The following CREM variants were observed in gnomAD, a reference collection of about 807,000 sequenced individuals.
CREM encodes cAMP-responsive element modulator.
CREM carries 13 observed loss-of-function variants against 37.3 expected under a neutral mutation model. That is an observed-to-expected ratio of 0.35 (90% confidence interval 0.23 to 0.55). CREM has a LOEUF of 0.55. Ranked by LOEUF, CREM falls within the 20% of genes least tolerant of loss-of-function variation. CREM has a pLI of 0.88. For synonymous variants in CREM, 124 were observed against 120.2 expected, an observed-to-expected ratio of 1.03 and a Z score of -0.21; for missense variants, 296 against 362.3, an observed-to-expected ratio of 0.82 and a Z score of 1.49.
chr10:35,128,477 T>C (rs1354296533), intron 1 of CREM, among the ~76,000 whole-genome samples: 1 of 152,096 alleles, frequency 6.6e-6, no homozygotes, highest in Non-Finnish European at 1.5e-5. Context: ...CTGTTTTTTA[T>C]TTGTTGTTTT....
rs957569039 is a variant in CREM, at chr10:35,201,542, G to A, written c.599-5353G>A. 2.6e-6 allele frequency: 4 copies of A among 1,550,150 alleles called. No homozygotes were observed. In the African/African-American group the frequency reaches 5.5e-5, roughly 21 times the overall value. On this transcript the variant is annotated intron_variant, in intron 6 of 7. Transcript: ENST00000685392. ...CTCCAAACCCCATGCTTTTTCTGCT[G>A]TACCGTGTTTAAAGCTTGCAAAGAG...
chr10:35,184,959 A>G (rs2094490979), intron 5 of CREM, among the ~76,000 whole-genome samples: 1 of 152,108 alleles, frequency 6.6e-6, no homozygotes, highest in African/African-American at 2.4e-5. Context: ...TTGAAACCAT[A>G]CCTCATTTAA....
rs2095665113 is a variant in CREM at position 35,211,539 on chromosome 10, ATGT to A, written c.*146_*148del. The A allele has an allele frequency of 6.7e-7, 1 of 1,495,012 alleles. No homozygotes were observed. Among genetic ancestry groups the A allele is most frequent in the Non-Finnish European group, 9.0e-7 (1 of 1,106,982 alleles). The allele number at this position is 1,495,012 out of a possible 1,614,324, so 92.6% of individuals were successfully genotyped here. ...ATTAGTGTTTGAAATTGAATTGGGA[ATGT>A]TGTTCCAGGATGTGGAATGCAGCCG... is the stretch of plus-strand genomic sequence containing the variant. On this transcript the variant is annotated 3_prime_UTR_variant, in exon 8 of 8. Transcript: ENST00000685392.
intron 2 of CREM, among the ~76,000 whole-genome samples, chr10:35,143,704 C>G (rs937965837): frequency 2.6e-5 from 4 of 152,028 alleles, no homozygotes; most frequent in Non-Finnish European, 4.4e-5. Flanking sequence ...TGGATGGGTT[C>G]AGGATGGTAC....
chr10:35,210,332 AAAAG>A (rs2095638103), intron 7 of CREM: 1 of 152,164 alleles, frequency 6.6e-6, no homozygotes, highest in African/African-American at 2.4e-5. Context: ...CACCCTGAAA[AAAAG>A]AAAAAGAGAA....
In CREM at chr10:35,179,205, A is replaced by G. The variant is rs748719172; in HGVS notation, c.338A>G (p.Glu113Gly). The G allele has an allele frequency of 2.5e-6, 4 of 1,614,030 alleles. No homozygotes were observed. The highest frequency in any genetic ancestry group is 2.2e-5 in the South Asian group (2 of 91,088). Residue 113 changes from glutamate (E) to glycine (G), a missense_variant, in exon 5 of 8, where the codon GAA (glutamate) becomes GGA (glycine). This residue lies in a region of CREM where 257 missense variants were observed against 280.2 expected (regional missense o/e 0.92). Transcript: ENST00000685392. Reference sequence around the variant, plus strand: ...ATTGAAGAAGAGAGATCAGAGGAAGAAGGAACACCACCTAGTATTGCTACC... The same window carrying G: ...ATTGAAGAAGAGAGATCAGAGGAAGGAGGAACACCACCTAGTATTGCTACC... ...PKIEEERSEE[E>G]GTPPSIATMA...
At chr10:35,187,711 C>A (rs2094711229) in intron 5 of CREM, among the ~76,000 whole-genome samples, 1 of 151,918 alleles carries the variant, frequency 6.6e-6, no homozygotes, top group African/African-American at 2.4e-5. Flanking sequence ...TCCTGTGTTG[C>A]CCAGGCTGGC....
chr10:35,199,389 T>A (rs897566857), intron 6 of CREM, among the ~76,000 whole-genome samples: 1 of 152,230 alleles, frequency 6.6e-6, no homozygotes, highest in Non-Finnish European at 1.5e-5. Flanking sequence ...TTTATATGAA[T>A]ATATTAGGCA....
At chr10:35,157,635 CAAAAAAAA>C (rs71523362) in intron 3 of CREM, among the ~76,000 whole-genome samples, 2 of 87,142 alleles carry the variant, frequency 2.3e-5, no homozygotes, top group Non-Finnish European at 4.7e-5. Context: ...GACCCTGTCT[CAAAAAAAA>C]AAAAAAAAAA....
intron 3 of CREM, among the ~76,000 whole-genome samples, chr10:35,149,840 T>G (rs1778783378): frequency 6.9e-6 from 1 of 145,844 alleles, no homozygotes; most frequent in South Asian, 2.2e-4. Context: ...GCAACACCTT[T>G]TGTTACACTG....
In CREM at chr10:35,188,245, C is replaced by G. The variant is rs1226523495; in HGVS notation, c.455C>G (p.Ser152Cys). ...GGTIQISNPG[S>C]DGVQGLQALT... ...ACAATCCAGATTTCTAACCCAGGATCTGATGGTGTTCAGGGACTGCAGGCA... is the reference window on the plus strand; with the variant it reads ...ACAATCCAGATTTCTAACCCAGGATGTGATGGTGTTCAGGGACTGCAGGCA... The change falls in exon 6 of 8, where the codon TCT becomes TGT. Residue 152 changes from serine (S) to cysteine (C), a missense_variant. Ser to Cys is a moderately radical substitution (Grantham distance 112, BLOSUM62 -1). Around this residue, in one of 2 missense-constraint regions of CREM, gnomAD observed 257 missense variants for 280.2 expected, o/e 0.92. Coordinates refer to ENST00000685392, the MANE Select transcript of CREM (RefSeq NM_183011.2). 9.9e-6 allele frequency: 16 copies of G among 1,614,066 alleles called. No homozygotes were observed. The highest frequency in any genetic ancestry group is 2.7e-5 in the African/African-American group (2 of 74,932).
At chr10:35,184,138 C>T (rs187772622) in intron 5 of CREM, among the ~76,000 whole-genome samples, 1 of 152,188 alleles carries the variant, frequency 6.6e-6, no homozygotes, top group Non-Finnish European at 1.5e-5. Flanking sequence ...TGGTTTGTGC[C>T]TGTAGTCCCA....
At chr10:35,187,215 ATT>A (rs1033161384) in intron 5 of CREM, among the ~76,000 whole-genome samples, 7 of 105,100 alleles carry the variant, frequency 6.7e-5, no homozygotes, top group African/African-American at 2.6e-4. Context: ...TATATTATAT[ATT>A]TATATATATA....
chr10:35,160,409 C>CTT (rs57952915), intron 3 of CREM, among the ~76,000 whole-genome samples: 1 of 150,952 alleles, frequency 6.6e-6, no homozygotes, highest in African/African-American at 2.4e-5. Context: ...TGTAGACTGT[C>CTT]TTTTTTTTTA....
intron 1 of CREM, among the ~76,000 whole-genome samples, chr10:35,134,055 GTTT>G (rs143726656): frequency 2.3e-5 from 3 of 131,538 alleles, no homozygotes. Flanking sequence ...AAAGTTTTTT[GTTT>G]TTTTTTTTTT....
At chr10:35,142,259 G>GA (rs1263089322) in intron 2 of CREM, among the ~76,000 whole-genome samples, 2 of 152,140 alleles carry the variant, frequency 1.3e-5, no homozygotes, top group African/African-American at 4.8e-5. Context: ...GTCTTTACAG[G>GA]AAAAAACTGT....
chr10:35,191,979 A>G (rs2094936517), intron 6 of CREM, among the ~76,000 whole-genome samples: 1 of 152,144 alleles, frequency 6.6e-6, no homozygotes, highest in Non-Finnish European at 1.5e-5. Flanking sequence ...TATTCTTCCC[A>G]GTCTCCATTC....
intron 6 of CREM, among the ~76,000 whole-genome samples, chr10:35,199,280 C>A (rs986073000): frequency 6.6e-6 from 1 of 152,220 alleles, no homozygotes; most frequent in Non-Finnish European, 1.5e-5. Flanking sequence ...TAAACCAAAT[C>A]TGCAGGGTGA....
intron 3 of CREM, among the ~76,000 whole-genome samples, chr10:35,159,832 A>G (rs1208760403): frequency 6.6e-6 from 1 of 152,240 alleles, no homozygotes; most frequent in East Asian, 1.9e-4. Context: ...TAAGGGGTTA[A>G]TATCCGAAAC....
Sources: gnomAD v4.1 joint callset for allele counts (sites outside exome capture counted in the v4.1 genomes callset) on GRCh38, gnomAD v4.1.1 for gene constraint, gnomAD v4.1.1 regional missense constraint, MANE v1.5 for transcripts, NCBI Gene and HGNC (gene_info 2026-07-23, HGNC 2026-07-21) for gene names.